Variants in VPS13B observed in about 807,000 individuals in gnomAD.
VPS13B encodes the protein vacuolar protein sorting 13 homolog B, also known as intermembrane lipid transfer protein VPS13B.
In VPS13B, 285 loss-of-function variants were observed where a neutral mutation model predicts 426.4. The observed-to-expected ratio is 0.67, with a 90% CI of 0.61 to 0.74. The LOEUF is 0.74. VPS13B is among the 30% of genes least tolerant of loss of function. The probability of loss-of-function intolerance (pLI) is 0.00; values close to 1 mark genes in which losing one functional copy is unlikely to be tolerated. For synonymous variants in VPS13B, 1,676 were observed against 1,676.4 expected (o/e 1.00, Z 0.01); for missense variants, 4,537 against 4,782.6 (o/e 0.95, Z 1.51).
chr8:99,492,625 T>A (rs1820675215), intron 25 of VPS13B, among the ~76,000 whole-genome samples: 1 of 152,208 alleles, frequency 6.6e-6, no homozygotes, highest in South Asian at 2.1e-4. Context: ...GATCTCAGAC[T>A]GCTGCGCTAG....
intron 19 of VPS13B, among the ~76,000 whole-genome samples, chr8:99,292,559 G>C (rs1456898203): frequency 6.6e-6 from 1 of 152,048 alleles, no homozygotes; most frequent in Non-Finnish European, 1.5e-5. Flanking sequence ...AGCCTCTGCA[G>C]TTTGTAGCTG....
intron 19 of VPS13B, among the ~76,000 whole-genome samples, chr8:99,354,628 A>G (rs1812082768): frequency 6.6e-6 from 1 of 152,108 alleles, no homozygotes; most frequent in Non-Finnish European, 1.5e-5. Context: ...TTATTTATGG[A>G]GATGTCTTTT....
chr8:99,315,538 T>C (rs1475412921), intron 19 of VPS13B, among the ~76,000 whole-genome samples: 6 of 152,110 alleles, frequency 3.9e-5, no homozygotes, highest in Non-Finnish European at 8.8e-5. Flanking sequence ...CTTGGTGTTT[T>C]TTTTTTAAAT....
At chr8:99,319,891 C>G (rs1316444104) in intron 19 of VPS13B, among the ~76,000 whole-genome samples, 1 of 152,112 alleles carries the variant, frequency 6.6e-6, no homozygotes, top group Non-Finnish European at 1.5e-5. Context: ...ATTTTAGGTA[C>G]CTGACATGTG....
At chr8:99,019,921 A>G (rs577345910) in intron 2 of VPS13B, among the ~76,000 whole-genome samples, 1 of 152,330 alleles carries the variant, frequency 6.6e-6, no homozygotes, top group South Asian at 2.1e-4. Flanking sequence ...TCTTTTGGCT[A>G]TAATGCTGAT....
At chr8:99,287,172 G>T (rs1408661151) in intron 19 of VPS13B, among the ~76,000 whole-genome samples, 2 of 152,030 alleles carry the variant, frequency 1.3e-5, no homozygotes, top group East Asian at 3.8e-4. Context: ...AGTATCTGTT[G>T]TAGATTAGGT....
chr8:99,137,583 G>T (rs1215518631), intron 12 of VPS13B, among the ~76,000 whole-genome samples: 1 of 152,000 alleles, frequency 6.6e-6, no homozygotes, highest in Non-Finnish European at 1.5e-5. Flanking sequence ...ACTTCGCAGA[G>T]TTGATCTTGA....
intron 23 of VPS13B, among the ~76,000 whole-genome samples, chr8:99,458,604 T>C (rs371684383): frequency 5.3e-5 from 8 of 152,020 alleles, no homozygotes; most frequent in Non-Finnish European, 7.4e-5. Context: ...TTTTAATGAT[T>C]GCCATTCTAA....
chr8:99,724,578 C>A (rs549585530), intron 39 of VPS13B, among the ~76,000 whole-genome samples: 1 of 152,112 alleles, frequency 6.6e-6, no homozygotes, highest in East Asian at 1.9e-4. Flanking sequence ...GTTTCCTCAA[C>A]TGAACATTGG....
chr8:99,671,416 A>T (rs1830712131), intron 35 of VPS13B, among the ~76,000 whole-genome samples: 1 of 151,998 alleles, frequency 6.6e-6, no homozygotes, highest in South Asian at 2.1e-4. Flanking sequence ...ATTTTCTCCC[A>T]TTCTGTAGGT....
At position 99,816,915 on chromosome 8, in the gene VPS13B, A is replaced by T. The variant is rs187121994; in HGVS notation, c.8098-625A>T. On this transcript the variant is annotated intron_variant, in intron 44 of 61. Coordinates refer to ENST00000357162, the MANE Select transcript of VPS13B (RefSeq NM_152564.5). ...TTTCTTACTAGATAAGAGTGAAATA[A>T]ACCCTTGAAAATCAACTTCAAGGAA... Among the ~76,000 whole-genome samples the T allele has an allele frequency of 2.0e-5, 3 of 152,350 alleles. No individual in the cohort carries two copies. The East Asian group carries it at 5.8e-4, about 29-fold the overall frequency.
At chr8:99,818,983 G>GGGGGGC in intron 47 of VPS13B, 95 bp downstream of exon 47, 1 of 384,876 alleles carries the variant, frequency 2.6e-6, no homozygotes. Flanking sequence ...GGAGGGGTGG[G>GGGGGGC]TAGGGAGATG....
chr8:99,581,316 C>A (rs1172841661), intron 33 of VPS13B, among the ~76,000 whole-genome samples: 1 of 151,970 alleles, frequency 6.6e-6, no homozygotes, highest in Admixed American at 6.6e-5. Context: ...AGGATTCTTG[C>A]CAGAACCAAT....
chr8:99,234,519 G>T (rs1201481013), intron 17 of VPS13B: 4 of 500,152 alleles, frequency 8.0e-6, no homozygotes, highest in Non-Finnish European at 1.6e-5. Context: ...GCTTCCGCGG[G>T]GTTGGGGTTC....
intron 21 of VPS13B, among the ~76,000 whole-genome samples, chr8:99,404,659 A>C (rs1024203639): frequency 2.6e-5 from 4 of 152,234 alleles, no homozygotes; most frequent in Non-Finnish European, 5.9e-5. Context: ...ATTTAAATTT[A>C]TATTGCCAAA....
intron 3 of VPS13B, among the ~76,000 whole-genome samples, chr8:99,074,058 A>C (rs1483842997): frequency 1.3e-5 from 2 of 152,138 alleles, no homozygotes. Flanking sequence ...GTGAACCACC[A>C]TGCCCAGCTG....
intron 33 of VPS13B, among the ~76,000 whole-genome samples, chr8:99,603,910 G>A (rs1001554085): frequency 9.9e-5 from 15 of 152,146 alleles, no homozygotes; most frequent in Non-Finnish European, 1.8e-4. Flanking sequence ...GAGATGGGTG[G>A]CAGGAACCTG....
intron 25 of VPS13B, among the ~76,000 whole-genome samples, chr8:99,491,386 T>G (rs549207668): frequency 3.8e-4 from 58 of 152,312 alleles, no homozygotes; most frequent in Admixed American, 7.2e-4. Flanking sequence ...TCTCTCCATT[T>G]CCTGGATTTG....
chr8:99,440,491 TAA>T (rs1817629052), intron 22 of VPS13B, among the ~76,000 whole-genome samples: 1 of 152,136 alleles, frequency 6.6e-6, no homozygotes, highest in Admixed American at 6.6e-5. Flanking sequence ...ACAGTTATTT[TAA>T]AAGTGTAAAA....
Sources: gnomAD v4.1 joint callset for allele counts (sites outside exome capture counted in the v4.1 genomes callset) on GRCh38, gnomAD v4.1.1 for gene constraint, MANE v1.5 for transcripts, NCBI Gene and HGNC (gene_info 2026-07-23, HGNC 2026-07-21) for gene names.